VIT: variants seen among roughly 807,000 people sequenced by gnomAD.
VIT encodes vitrin.
In VIT, 99 loss-of-function variants were observed where a neutral mutation model predicts 78.0. The observed-to-expected ratio is 1.27, with a 90% CI of 1.08 to 1.50. The LOEUF is 1.50. Ranked by LOEUF, VIT falls within the 40% of genes most tolerant of loss-of-function variation. The pLI, the probability that VIT is intolerant of heterozygous loss-of-function variation, is 0.00. For synonymous variants in VIT, 374 were observed against 334.3 expected (o/e 1.12, Z -1.29); for missense variants, 1,126 against 875.3 (o/e 1.29, Z -3.61).
chr2:36,735,946 A>G (rs1432445558), intron 3 of VIT, among the ~76,000 whole-genome samples: 1 of 152,214 alleles, frequency 6.6e-6, no homozygotes, highest in Non-Finnish European at 1.5e-5. Context: ...AGTAAGAGGG[A>G]AAAAATGCAA....
intron 13 of VIT, among the ~76,000 whole-genome samples, chr2:36,804,525 C>T (rs1430699423): frequency 6.6e-6 from 1 of 152,164 alleles, no homozygotes; most frequent in Non-Finnish European, 1.5e-5. Context: ...AGAAAAGGGG[C>T]ACTTCTGTTC....
At chr2:36,793,512 A>C (rs1665650150) in intron 12 of VIT, among the ~76,000 whole-genome samples, 1 of 152,176 alleles carries the variant, frequency 6.6e-6, no homozygotes, top group African/African-American at 2.4e-5. Context: ...TGGGAGCAGA[A>C]TGATTTTCCA....
intron 14 of VIT, 144 bp downstream of exon 14, chr2:36,805,808 C>G (rs1001704680): frequency 1.2e-6 from 1 of 849,528 alleles, no homozygotes; most frequent in Non-Finnish European, 1.8e-6. Flanking sequence ...AGGGACTGGT[C>G]AATCCGAAAC....
chr2:36,811,398 A>G (rs560328981), intron 15 of VIT, among the ~76,000 whole-genome samples: 1 of 152,308 alleles, frequency 6.6e-6, no homozygotes, highest in East Asian at 1.9e-4. Flanking sequence ...TGGCCTACTC[A>G]TCAGGAAAAA....
intron 10 of VIT, 137 bp from the exon 11 acceptor site, chr2:36,783,203 G>A: frequency 1.5e-6 from 1 of 650,058 alleles, no homozygotes; most frequent in Non-Finnish European, 2.7e-6. Context: ...GGATGGGGGT[G>A]ATGTGAAAAA....
At chr2:36,712,938 G>GA (rs1665896666) in intron 1 of VIT, among the ~76,000 whole-genome samples, 1 of 152,174 alleles carries the variant, frequency 6.6e-6, no homozygotes, top group South Asian at 2.1e-4. Flanking sequence ...AGGGAAAAGG[G>GA]AGAGCGCTCA....
chr2:36,726,892 G>C (rs916448902), intron 2 of VIT, among the ~76,000 whole-genome samples: 1 of 151,242 alleles, frequency 6.6e-6, no homozygotes, highest in African/African-American at 2.4e-5. Flanking sequence ...AAGGAGAAAG[G>C]GGGTGGGGAG....
intron 4 of VIT, among the ~76,000 whole-genome samples, chr2:36,753,295 C>T (rs1039122540): frequency 6.6e-6 from 1 of 151,934 alleles, no homozygotes; most frequent in Non-Finnish European, 1.5e-5. Flanking sequence ...ATCTGTGCAG[C>T]AAAAACACCA....
intron 7 of VIT, among the ~76,000 whole-genome samples, chr2:36,772,880 G>A (rs1669842586): frequency 1.3e-5 from 2 of 151,934 alleles, no homozygotes; most frequent in Admixed American, 6.6e-5. Flanking sequence ...GGTTATTTCC[G>A]TCAGCTGGGT....
At position 36,716,875 on chromosome 2, in the gene VIT, T is replaced by G. The variant is rs1350259914; in HGVS notation, c.52+453T>G. On this transcript the variant is annotated intron_variant, in intron 2 of 15. Transcript: ENST00000379242. The stretch of plus-strand genomic sequence containing the variant: ...CACGCTTTTAGAGATGATTCTTTTT[T>G]TTTTTTTTTTTTTTTTTTTGAGATA... 4.4e-3 allele frequency among the ~76,000 whole-genome samples: 589 copies of G among 133,686 alleles called. 2 individuals carry two copies. Among genetic ancestry groups the G allele is most frequent in the African/African-American group, 0.015 (565 of 36,874 alleles). The allele number at this position is 133,686 out of a possible 152,430, so 87.7% of individuals were successfully genotyped here.
At position 36,714,914 on chromosome 2, in the gene VIT, G is replaced by A. The variant is rs1036507022; in HGVS notation, c.-18-1439G>A. Among the ~76,000 whole-genome samples the A allele has an allele frequency of 1.1e-4, 16 of 152,114 alleles. 1 individual carries two copies. Among genetic ancestry groups the A allele is most frequent in the South Asian group, 1.0e-3 (5 of 4,818 alleles). On this transcript the variant is annotated intron_variant, in intron 1 of 15. Coordinates refer to ENST00000379242, the MANE Select transcript of VIT (RefSeq NM_053276.4). ...GTATCAGCAAACCTTTGGCAGTGTC[G>A]TCATAGCCTTAAGAGAAAGATGAGA...
chr2:36,716,837 A>G (rs908702531), intron 2 of VIT, among the ~76,000 whole-genome samples: 1 of 149,174 alleles, frequency 6.7e-6, no homozygotes, highest in African/African-American at 2.5e-5. Context: ...CTCTACCTAT[A>G]GCATTAGCAA....
chr2:36,811,213 G>C (rs1364917448), intron 15 of VIT, among the ~76,000 whole-genome samples: 1 of 152,184 alleles, frequency 6.6e-6, no homozygotes, highest in Non-Finnish European at 1.5e-5. Context: ...TTAAGGCTCA[G>C]AAGCAACTGG....
At chr2:36,806,294 G>C (rs1241429665) in intron 14 of VIT, among the ~76,000 whole-genome samples, 1 of 152,138 alleles carries the variant, frequency 6.6e-6, no homozygotes, top group Non-Finnish European at 1.5e-5. Flanking sequence ...TTGTCTTTGA[G>C]GCCCTTCCAG....
chr2:36,793,059 A>G (rs1456946979), intron 12 of VIT, among the ~76,000 whole-genome samples: 2 of 152,306 alleles, frequency 1.3e-5, no homozygotes, highest in East Asian at 3.9e-4. Flanking sequence ...CAAGATCCCC[A>G]GGTGATCAGA....
At chr2:36,786,874 C>A (rs956101745) in intron 11 of VIT, among the ~76,000 whole-genome samples, 3 of 152,240 alleles carry the variant, frequency 2.0e-5, no homozygotes, top group African/African-American at 7.2e-5. Flanking sequence ...GTCGCTGCTT[C>A]TGAAACCCAT....
chr2:36,741,175 A>C (rs1042913969), intron 3 of VIT, among the ~76,000 whole-genome samples: 2 of 152,212 alleles, frequency 1.3e-5, no homozygotes, highest in African/African-American at 4.8e-5. Context: ...GGAATCAAAC[A>C]ATTCACTAAT....
chr2:36,809,715 A>G (rs538511827), intron 15 of VIT, among the ~76,000 whole-genome samples: 2 of 152,324 alleles, frequency 1.3e-5, no homozygotes, highest in East Asian at 1.9e-4. Flanking sequence ...ATGCCTAGCC[A>G]TGTACTGGTA....
intron 4 of VIT, 74 bp downstream of exon 4, chr2:36,743,330 C>A: frequency 2.1e-6 from 3 of 1,398,456 alleles, no homozygotes; most frequent in Non-Finnish European, 1.9e-6. Context: ...GCAAGGTTGC[C>A]ATATTTAGCA....
Sources: allele counts gnomAD v4.1 joint callset (sites outside exome capture counted in the v4.1 genomes callset), GRCh38; gene constraint gnomAD v4.1.1; transcripts MANE v1.5; gene names NCBI Gene and HGNC (gene_info 2026-07-23, HGNC 2026-07-21).